The following SEC23A variants were observed in gnomAD, a reference collection of about 807,000 sequenced individuals.
SEC23A encodes SEC23 homolog A, COPII component.
SEC23A carries 56 observed loss-of-function variants against 103.7 expected under a neutral mutation model. That is an observed-to-expected ratio of 0.54 (90% CI 0.44 to 0.67). SEC23A has a LOEUF of 0.67. SEC23A is among the 30% of genes least tolerant of loss of function. The probability of loss-of-function intolerance (pLI) is 0.00; values close to 1 mark genes in which losing one functional copy is unlikely to be tolerated. For synonymous variants in SEC23A, 281 were observed against 293.0 expected (o/e 0.96, Z 0.42); for missense variants, 784 against 936.4 (o/e 0.84, Z 2.12).
At chr14:39,067,489 G>A (rs574891510) in intron 9 of SEC23A, among the ~76,000 whole-genome samples, 193 bp from the exon 10 acceptor site, 14 of 151,752 alleles carry the variant, frequency 9.2e-5, no homozygotes, top group Non-Finnish European at 1.9e-4. Flanking sequence ...TCTCAATTCC[G>A]AAGGTAACAG....
rs1251800035 is a variant in SEC23A at position 39,045,225 on chromosome 14, T to C, written c.1837A>G (p.Thr613Ala). The C allele has an allele frequency of 3.7e-6, 6 of 1,613,658 alleles. No homozygotes were observed. The South Asian group carries it at 4.4e-5, about 12-fold the overall frequency. The change falls in exon 16 of 20, where the codon ACC becomes GCC. Residue 613 changes from threonine to alanine, a missense_variant. Thr to Ala is a moderately conservative substitution (Grantham distance 58). Around this residue, in one of 2 missense-constraint regions of SEC23A, gnomAD observed 683 missense variants for 774.2 expected, o/e 0.88. Transcript: ENST00000307712. ...YRHHFMRQDLTQSLIMIQPIL... is the reference protein window; with the variant it reads ...YRHHFMRQDLAQSLIMIQPIL... ...GGCTGAATCATAATTAGAGACTGGG[T>C]CAGATCTTGACGCATAAAATGGTGA...
rs768765476 is a variant in SEC23A at position 39,033,256 on chromosome 14, C to A, written c.2281G>T (p.Val761Leu). ...TTAGCACTTCAAGCAGCACTGGACA[C>A]AGCAAGTTTCTTCAAGTGATCCATA... ...VFMDHLKKLA[V>L]SSAA Residue 761 changes from valine (V) to leucine (L), a missense_variant, in exon 20 of 20, where the codon GTG becomes TTG. Around this residue, in one of 2 missense-constraint regions of SEC23A, gnomAD observed 101 missense variants for 162.2 expected, o/e 0.62. Coordinates refer to ENST00000307712, the MANE Select transcript of SEC23A (RefSeq NM_006364.4). 1 of 1,611,572 alleles carries A rather than the reference C, an allele frequency of 6.2e-7. No homozygotes were observed. Among genetic ancestry groups the A allele is most frequent in the Non-Finnish European group, 8.5e-7 (1 of 1,177,710 alleles).
At chr14:39,065,929 C>T (rs1253295259) in intron 10 of SEC23A, among the ~76,000 whole-genome samples, 1 of 134,430 alleles carries the variant, frequency 7.4e-6, no homozygotes, top group Non-Finnish European at 1.5e-5. Context: ...ACCCAGGAGG[C>T]AGAGGTTATA....
At chr14:39,069,866 T>C (rs1886785888) in intron 9 of SEC23A, among the ~76,000 whole-genome samples, 1 of 152,182 alleles carries the variant, frequency 6.6e-6, no homozygotes, top group Non-Finnish European at 1.5e-5. Context: ...TGCTAAAATA[T>C]CACCTTCAAT....
intron 13 of SEC23A, among the ~76,000 whole-genome samples, chr14:39,058,019 T>A (rs1439122969): frequency 6.6e-6 from 1 of 152,216 alleles, no homozygotes; most frequent in African/African-American, 2.4e-5. Context: ...ATACTACACA[T>A]AAAATAGCAG....
chr14:39,067,729 G>T, intron 9 of SEC23A, among the ~76,000 whole-genome samples: 1 of 147,172 alleles, frequency 6.8e-6, no homozygotes, highest in Admixed American at 6.9e-5. Context: ...GGAGTGCAGT[G>T]GAACAATCAC....
chr14:39,059,255 C>T (rs144972019), intron 13 of SEC23A, among the ~76,000 whole-genome samples: 1 of 119,036 alleles, frequency 8.4e-6, no homozygotes, highest in Non-Finnish European at 1.7e-5. Context: ...CTTGTCTAGG[C>T]CCCTAAAGTC....
chr14:39,101,346 G>A (rs182562049), intron 1 of SEC23A, among the ~76,000 whole-genome samples: 2 of 151,986 alleles, frequency 1.3e-5, no homozygotes, highest in Non-Finnish European at 2.9e-5. Context: ...CTGGCCGGGC[G>A]CGGTGGCTCA....
chr14:39,049,358 C>A (rs1464125744), intron 14 of SEC23A, among the ~76,000 whole-genome samples: 1 of 151,908 alleles, frequency 6.6e-6, no homozygotes, highest in East Asian at 1.9e-4. Context: ...CGCCTGTAAT[C>A]CCAGCTACAT....
At chr14:39,046,068 C>G (rs1422912334) in intron 15 of SEC23A, among the ~76,000 whole-genome samples, 1 of 152,152 alleles carries the variant, frequency 6.6e-6, no homozygotes, top group Non-Finnish European at 1.5e-5. Flanking sequence ...AATGGGAGTT[C>G]CCCTGCACAT....
intron 2 of SEC23A, chr14:39,095,000 T>C: frequency 2.9e-6 from 2 of 700,620 alleles, no homozygotes; most frequent in Non-Finnish European, 2.6e-6. Context: ...CTCTAGCTTC[T>C]GGGTAGAGAA....
At chr14:39,066,342 T>C (rs1594459153) in intron 10 of SEC23A, among the ~76,000 whole-genome samples, 5 of 152,298 alleles carry the variant, frequency 3.3e-5, no homozygotes. Flanking sequence ...GTTAATTTAA[T>C]AAGAATCAAT....
At chr14:39,044,989 ATATAG>A (rs1295285157) in intron 16 of SEC23A, among the ~76,000 whole-genome samples, 169 bp downstream of exon 16, 1 of 152,264 alleles carries the variant, frequency 6.6e-6, no homozygotes, top group Non-Finnish European at 1.5e-5. Context: ...GGTATCTAGC[ATATAG>A]TAAACATTCA....
At chr14:39,082,223 A>C (rs1887251317) in intron 7 of SEC23A, among the ~76,000 whole-genome samples, 1 of 151,784 alleles carries the variant, frequency 6.6e-6, no homozygotes, top group Non-Finnish European at 1.5e-5. Flanking sequence ...CCCAGTGTGT[A>C]TTCTGTATGT....
intron 8 of SEC23A, among the ~76,000 whole-genome samples, chr14:39,075,094 G>A (rs372777200): frequency 3.3e-5 from 5 of 152,014 alleles, no homozygotes; most frequent in Admixed American, 1.3e-4. Context: ...GCAACAGAGC[G>A]AGACTTTGCC....
At chr14:39,064,003 AT>A (rs1165521556) in intron 11 of SEC23A, among the ~76,000 whole-genome samples, 5 of 151,178 alleles carry the variant, frequency 3.3e-5, no homozygotes, top group South Asian at 2.1e-4. Flanking sequence ...CTCAAAAAAA[AT>A]AAAATAAAAA....
chr14:39,102,532 T>C lies in SEC23A; in HGVS notation c.-22+500A>G, dbSNP rs1317437313. On this transcript the variant is annotated intron_variant, in intron 1 of 19. Transcript: ENST00000307712. ...GAAAGAAAGCCCAGTGAGATAGGGC[T>C]GGTCCTGCTGGAAAACTGAACTCTT... Among the ~76,000 whole-genome samples the C allele has an allele frequency of 6.6e-5, 10 of 152,372 alleles. No homozygotes were observed. The East Asian group carries it at 1.9e-3, about 29-fold the overall frequency.
Position 39,102,007 on chromosome 14 carries a change from G to A in SEC23A, c.-22+1025C>T, listed in dbSNP as rs1008579605. On this transcript the variant is annotated intron_variant, in intron 1 of 19. Coordinates refer to ENST00000307712, the MANE Select transcript of SEC23A (RefSeq NM_006364.4). ...AGCACTTTGGGAGGCCGAGGCGGGC[G>A]GATCACCTGAGGTCAGGAGTTCGAG... 1.6e-4 allele frequency among the ~76,000 whole-genome samples: 24 copies of A among 152,068 alleles called. 1 individual carries two copies. Among genetic ancestry groups the A allele is most frequent in the African/African-American group, 4.3e-4 (18 of 41,400 alleles).
intron 15 of SEC23A, among the ~76,000 whole-genome samples, chr14:39,046,858 T>C (rs1194915507): frequency 6.6e-6 from 1 of 152,178 alleles, no homozygotes; most frequent in African/African-American, 2.4e-5. Context: ...GTCACTTCTC[T>C]TAAATTCCTC....
Sources: allele counts gnomAD v4.1 joint callset (sites outside exome capture counted in the v4.1 genomes callset), GRCh38; gene constraint gnomAD v4.1.1; regional missense constraint gnomAD v4.1.1; transcripts MANE v1.5; gene names NCBI Gene and HGNC (gene_info 2026-07-23, HGNC 2026-07-21).